NFKBIB: variants seen among roughly 807,000 people sequenced by gnomAD.
NFKBIB encodes NF-kappa-B inhibitor beta.
Under a neutral mutation model 32.1 loss-of-function variants are expected in NFKBIB, and 16 were observed. That is an observed-to-expected ratio of 0.50 (90% CI 0.34 to 0.76). The LOEUF (loss-of-function observed/expected upper bound fraction) is 0.76. Ranked by LOEUF, NFKBIB falls within the 30% of genes least tolerant of loss-of-function variation. The probability of loss-of-function intolerance (pLI) is 0.01; values close to 1 mark genes in which losing one functional copy is unlikely to be tolerated. For missense variants in NFKBIB, 437 were observed against 514.9 expected (o/e 0.85, Z 1.46); for synonymous variants, 222 against 219.5 (o/e 1.01, Z -0.10).
chr19:38,907,418 G>A lies in NFKBIB; in HGVS notation c.728G>A (p.Ser243Asn). The A allele has an allele frequency of 6.3e-7, 1 of 1,594,008 alleles. No homozygotes were observed. Among genetic ancestry groups the A allele is most frequent in the East Asian group, 2.3e-5 (1 of 44,360 alleles). The change falls in exon 5 of 6, where the codon AGC becomes AAC. Residue 243 changes from serine to asparagine, a missense_variant. Coordinates refer to ENST00000313582, the MANE Select transcript of NFKBIB (RefSeq NM_002503.5). ...LDKPEPTCGR[S>N]PLHLAVEAQA... ...CCACAGGAGCCCACGTGCGGCCGGA[G>A]CCCCCTTCATTTGGCAGTGGAGGCC...
chr19:38,908,509 A>C, intron 5 of NFKBIB: 7 of 1,256,230 alleles, frequency 5.6e-6, no homozygotes, highest in Non-Finnish European at 7.0e-6. Flanking sequence ...ACTGCATTCC[A>C]GCCTGGGCAA....
rs756791587 is a variant in NFKBIB at position 38,907,621 on chromosome 19, T to C, written c.931T>C (p.Cys311Arg). Residue 311 changes from cysteine (C) to arginine (R), a missense_variant, in exon 5 of 6, where the codon TGC becomes CGC. Coordinates refer to ENST00000313582, the MANE Select transcript of NFKBIB (RefSeq NM_002503.5). ...GGGCGAGGACGAGAAATCCGGCCCC[T>C]GCAGCAGCAGTAGCGACAGCGACAG... ...PEGEDEKSGP[C>R]SSSSDSDSGD... The C allele has an allele frequency of 1.9e-6, 3 of 1,610,886 alleles. No individual in the cohort carries two copies. Among genetic ancestry groups the C allele is most frequent in the East Asian group, 2.2e-5 (1 of 44,804 alleles).
chr19:38,901,472 T>G (rs1973960745), intron 1 of NFKBIB, among the ~76,000 whole-genome samples: 1 of 151,732 alleles, frequency 6.6e-6, no homozygotes, highest in Non-Finnish European at 1.5e-5. Flanking sequence ...TTTTTAAATT[T>G]TTTTGTCCCC....
In NFKBIB at chr19:38,900,134, T is replaced by C; in HGVS notation, c.102T>C (p.Pro34=). ...CGGACGCAGCGGCCCCCGGAGGACC[T>C]GGGTTGGGCGCGGAGTTGGGCCCGG... The part of the protein sequence containing the change: ...LGPDAAAPGG[P]GLGAELGPGL... Residue 34 remains proline, a synonymous_variant, in exon 1 of 6, where the codon CCT becomes CCC. Transcript: ENST00000313582. 6.3e-7 allele frequency: 1 copy of C among 1,594,160 alleles called. No individual in the cohort carries two copies. Among genetic ancestry groups the C allele is most frequent in the Non-Finnish European group, 8.5e-7 (1 of 1,173,332 alleles).
intron 3 of NFKBIB, 134 bp from the exon 4 acceptor site, chr19:38,907,087 C>T (rs1231050704): frequency 2.5e-6 from 2 of 790,480 alleles, no homozygotes; most frequent in Middle Eastern, 3.1e-4. Context: ...ACCTCTTTGC[C>T]ATACCCAAGA....
At chr19:38,899,758 AC>A, upstream of NFKBIB, 1 of 703,932 alleles carries the variant, frequency 1.4e-6, no homozygotes, top group South Asian at 1.7e-5. Flanking sequence ...GCGCGCGAGG[AC>A]CGGACTACGA....
chr19:38,908,142 G>A (rs539023319), intron 5 of NFKBIB: 8 of 1,001,146 alleles, frequency 8.0e-6, no homozygotes, highest in South Asian at 4.5e-5. Flanking sequence ...TGGGTGCGGA[G>A]GAATTTGGGT....
chr19:38,907,071 C>T (rs777601220), intron 3 of NFKBIB, 150 bp from the exon 4 acceptor site: 2 of 703,822 alleles, frequency 2.8e-6, no homozygotes, highest in Non-Finnish European at 4.7e-6. Flanking sequence ...CATTTGGTAC[C>T]CAGGTACCTC....
At position 38,905,133 on chromosome 19, in the gene NFKBIB, G is replaced by A. The variant is rs773895310; in HGVS notation, c.285+13G>A. 114 of 1,613,988 alleles carry A rather than the reference G, an allele frequency of 7.1e-5. No individual in the cohort carries two copies. The highest frequency in any genetic ancestry group is 9.6e-5 in the Non-Finnish European group (113 of 1,179,912). On this transcript the variant is annotated intron_variant, in intron 2 of 5. Coordinates refer to ENST00000313582, the MANE Select transcript of NFKBIB (RefSeq NM_002503.5). This position sits in a 1 kb window ranked among gnomAD's most constrained non-coding sequence, Gnocchi z 5.5. ...TGACCTAGGCCAGGTGAGCCACGAG[G>A]GATGGTGTAGGGCTTGGGGTCCAGG...
intron 5 of NFKBIB, chr19:38,908,107 T>C: frequency 2.0e-6 from 2 of 1,014,650 alleles, no homozygotes; most frequent in Non-Finnish European, 2.4e-6. Flanking sequence ...AGATCCGTCC[T>C]TGGGCAAGGC....
intron 1 of NFKBIB, among the ~76,000 whole-genome samples, chr19:38,900,845 A>C (rs1170500427): frequency 6.6e-6 from 1 of 152,244 alleles, no homozygotes; most frequent in African/African-American, 2.4e-5. Context: ...AAAACAAACA[A>C]AAACTTAAGC....
chr19:38,903,428 C>T (rs1306323930), intron 1 of NFKBIB, among the ~76,000 whole-genome samples: 2 of 151,922 alleles, frequency 1.3e-5, no homozygotes, highest in South Asian at 2.1e-4. Flanking sequence ...GGATTACAGG[C>T]GCATGCCACC....
At chr19:38,899,962 A>G, upstream of NFKBIB, 1 of 1,406,806 alleles carries the variant, frequency 7.1e-7, no homozygotes, top group Non-Finnish European at 9.3e-7. Context: ...GCAGGGCGGA[A>G]GCTCCAGAAC....
intron 1 of NFKBIB, among the ~76,000 whole-genome samples, chr19:38,904,146 A>G (rs929039874): frequency 6.6e-6 from 1 of 152,166 alleles, no homozygotes; most frequent in South Asian, 2.1e-4. Flanking sequence ...GGATGGAGTT[A>G]AATTACTCGG....
intron 1 of NFKBIB, among the ~76,000 whole-genome samples, chr19:38,904,656 CG>C (rs1974058583): frequency 6.6e-6 from 1 of 152,120 alleles, no homozygotes; most frequent in Non-Finnish European, 1.5e-5. Flanking sequence ...GGGCCCACCT[CG>C]TGTTTCCTGT....
chr19:38,907,355 G>T, intron 4 of NFKBIB, 44 bp from the exon 5 acceptor site: 1 of 1,601,540 alleles, frequency 6.2e-7, no homozygotes. Flanking sequence ...GAGGGGGCTT[G>T]TCCCCTCTTC....
In NFKBIB at chr19:38,905,809, C is replaced by T. The variant is rs1974101299; in HGVS notation, c.619+274C>T. ...AGCTGCCAGGATCCAGTTGTCGGGC[C>T]CCCGGGCTCCCCACCTGCAGAGTGT... On this transcript the variant is annotated intron_variant, in intron 3 of 5. Transcript: ENST00000313582. The surrounding 1 kb of genome is among the most constrained non-coding windows in gnomAD (Gnocchi z 5.5). Among the ~76,000 whole-genome samples the T allele has an allele frequency of 1.3e-5, 2 of 152,106 alleles. No individual in the cohort carries two copies. Among genetic ancestry groups the T allele is most frequent in the South Asian group, 2.1e-4 (1 of 4,826 alleles).
intron 1 of NFKBIB, among the ~76,000 whole-genome samples, chr19:38,902,975 A>T (rs559691262): frequency 6.6e-6 from 1 of 152,232 alleles, no homozygotes; most frequent in Admixed American, 6.5e-5. Context: ...CTTGAGAGGC[A>T]GGAGAATCGC....
At chr19:38,907,131 C>A (rs919633121) in intron 3 of NFKBIB, 90 bp from the exon 4 acceptor site, 2 of 1,200,542 alleles carry the variant, frequency 1.7e-6, no homozygotes, top group African/African-American at 3.0e-5. Context: ...TAATCACCCT[C>A]ACGCCACATG....
Sources: gnomAD v4.1 joint callset for allele counts (sites outside exome capture counted in the v4.1 genomes callset) on GRCh38, gnomAD v4.1.1 for gene constraint, Gnocchi (gnomAD v3.1) non-coding constraint, MANE v1.5 for transcripts, NCBI Gene and HGNC (gene_info 2026-07-23, HGNC 2026-07-21) for gene names.